RNF17: variants seen among roughly 807,000 people sequenced by gnomAD.
The protein encoded by RNF17 is spermatogenesis associated 23.
A neutral mutation model predicts 200.5 loss-of-function variants in RNF17; 31 were observed. The observed-to-expected ratio is 0.15, with a 90% CI of 0.12 to 0.21. The LOEUF is 0.21. RNF17 is among the 10% of genes least tolerant of loss of function. The pLI is 1.00. For missense variants in RNF17, 1,628 were observed against 1,905.1 expected (o/e 0.85, Z 2.71); for synonymous variants, 606 against 637.8 (o/e 0.95, Z 0.75).
intron 34 of RNF17, among the ~76,000 whole-genome samples, chr13:24,877,781 AT>A (rs1408483289): frequency 3.3e-5 from 5 of 152,226 alleles, no homozygotes; most frequent in Admixed American, 3.3e-4. Context: ...TGTACTACTT[AT>A]TTGATGTAGT....
chr13:24,860,750 A>C (rs891567176), intron 26 of RNF17, among the ~76,000 whole-genome samples: 3 of 152,218 alleles, frequency 2.0e-5, no homozygotes, highest in Non-Finnish European at 4.4e-5. Context: ...TTCAAAAAAA[A>C]GTCTGATGGG....
chr13:24,860,262 A>G (rs1892959953), intron 26 of RNF17, among the ~76,000 whole-genome samples: 1 of 152,084 alleles, frequency 6.6e-6, no homozygotes, highest in Non-Finnish European at 1.5e-5. Flanking sequence ...TTACATTTGT[A>G]GAATCAAAAT....
In RNF17 at chr13:24,799,361, A is replaced by G. The variant is rs1884978881; in HGVS notation, c.1400-34A>G. ...CTTATGAAGTGGCTTTTATTGATAAATGTTTATAACGATTTGTTTCCCTCA... is the reference window on the plus strand; with the variant it reads ...CTTATGAAGTGGCTTTTATTGATAAGTGTTTATAACGATTTGTTTCCCTCA... On this transcript the variant is annotated intron_variant, in intron 11 of 35. Transcript: ENST00000255324. 3 of 1,519,666 alleles carry G rather than the reference A, an allele frequency of 2.0e-6. No homozygotes were observed. The South Asian group carries it at 3.5e-5, about 18-fold the overall frequency. 94.1% of individuals were successfully genotyped at this position (1,519,666 alleles called of 1,614,324 possible). A position where few individuals can be genotyped will look rare whatever the true frequency, so the allele number is the denominator to read the frequency against.
chr13:24,887,414 G>C, the RNF17 span, among the ~76,000 whole-genome samples: 6 of 152,056 alleles, frequency 3.9e-5, no homozygotes, highest in African/African-American at 1.2e-4. Context: ...CCCATCACTC[G>C]CATTACCACC....
intron 15 of RNF17, among the ~76,000 whole-genome samples, chr13:24,810,621 G>A (rs1886474501): frequency 6.8e-6 from 1 of 146,742 alleles, no homozygotes; most frequent in Non-Finnish European, 1.5e-5. Flanking sequence ...TCTTTTAATT[G>A]GAGCACTTAG....
intron 11 of RNF17, among the ~76,000 whole-genome samples, chr13:24,797,709 T>TGTGTGTCTGTGG (rs1884759968): frequency 6.8e-6 from 1 of 146,048 alleles, no homozygotes. Context: ...ACAAAGAGTG[T>TGTGTGTCTGTGG]GTGTGTGTGT....
chr13:24,760,343 C>T (rs1015514128), upstream of RNF17, among the ~76,000 whole-genome samples: 1 of 152,098 alleles, frequency 6.6e-6, no homozygotes, highest in Non-Finnish European at 1.5e-5. Flanking sequence ...ACAAGTAATA[C>T]AAGTTTTCCA....
At chr13:24,809,645 T>C (rs1226249945) in intron 15 of RNF17, among the ~76,000 whole-genome samples, 2 of 152,128 alleles carry the variant, frequency 1.3e-5, no homozygotes, top group Non-Finnish European at 2.9e-5. Flanking sequence ...TTTCCTTCAG[T>C]TCTGCTCTGA....
At chr13:24,843,288 G>A (rs1055812283) in intron 19 of RNF17, among the ~76,000 whole-genome samples, 2 of 152,188 alleles carry the variant, frequency 1.3e-5, no homozygotes. Flanking sequence ...GGAGGCTCAG[G>A]CAGGCGGATC....
intron 22 of RNF17, among the ~76,000 whole-genome samples, chr13:24,846,237 G>A (rs1260231703): frequency 6.6e-6 from 1 of 152,184 alleles, no homozygotes; most frequent in Non-Finnish European, 1.5e-5. Flanking sequence ...CAGAGTTGTA[G>A]TCTACAGTTT....
downstream of RNF17, chr13:24,884,458 T>C (rs751997476): frequency 2.5e-6 from 4 of 1,614,056 alleles, no homozygotes; most frequent in South Asian, 4.4e-5. Flanking sequence ...TATAAACCTT[T>C]TCCACCTAAA....
intron 31 of RNF17, among the ~76,000 whole-genome samples, chr13:24,869,871 A>G (rs1462133045): frequency 6.7e-6 from 1 of 150,096 alleles, no homozygotes; most frequent in Non-Finnish European, 1.5e-5. Flanking sequence ...AGGCTCAACC[A>G]TTCCTCCTGC....
intron 15 of RNF17, among the ~76,000 whole-genome samples, chr13:24,824,846 A>G (rs1888452092): frequency 6.6e-6 from 1 of 152,224 alleles, no homozygotes; most frequent in African/African-American, 2.4e-5. Flanking sequence ...CAATCGATAA[A>G]TGAATCTTAG....
chr13:24,787,294 T>C (rs754366960), intron 6 of RNF17, among the ~76,000 whole-genome samples: 4 of 152,236 alleles, frequency 2.6e-5, no homozygotes, highest in Non-Finnish European at 4.4e-5. Flanking sequence ...GACAGTTGTT[T>C]TAAGCCTATT....
Position 24,818,905 on chromosome 13 carries a change from A to G in RNF17, c.2092-6714A>G, listed in dbSNP as rs148733926. Among the ~76,000 whole-genome samples, 417 of 152,232 alleles carry G rather than the reference A, an allele frequency of 2.7e-3. 5 individuals are homozygous for G. The highest frequency in any genetic ancestry group is 9.7e-3 in the African/African-American group (402 of 41,558). Reference sequence around the variant, plus strand: ...ATTTAAAGTAATTACTGATAAGGAAAGACTTCTGCCATTTGCTGTTTTCTG... The same window carrying G: ...ATTTAAAGTAATTACTGATAAGGAAGGACTTCTGCCATTTGCTGTTTTCTG... On this transcript the variant is annotated intron_variant, in intron 15 of 35. Transcript: ENST00000255324.
At chr13:24,799,905 T>C (rs1885037662) in intron 12 of RNF17, among the ~76,000 whole-genome samples, 1 of 152,156 alleles carries the variant, frequency 6.6e-6, no homozygotes, top group African/African-American at 2.4e-5. Flanking sequence ...AAATTTTTAA[T>C]CAGACTTCTG....
rs1452180354 is a variant in RNF17 at position 24,870,701 on chromosome 13, A to G, written c.4409A>G (p.Lys1470Arg). 6.2e-6 allele frequency: 10 copies of G among 1,614,186 alleles called. No individual in the cohort carries two copies. Among genetic ancestry groups the G allele is most frequent in the Non-Finnish European group, 8.5e-6 (10 of 1,180,014 alleles). Residue 1470 changes from lysine (K) to arginine (R), a missense_variant, in exon 32 of 36, where the codon AAG becomes AGG. Physicochemically the swap from Lys to Arg is conservative, Grantham distance 26. Transcript: ENST00000255324. ...LDEALQRVNK[K>R]VEALPPLTDF... ...GAAGCACTGCAGAGGGTTAATAAGA[A>G]GGTAGAGGCGCTTCCTCCTCTGACG...
Position 24,869,684 on chromosome 13 carries a change from G to T in RNF17, c.4279-887G>T, listed in dbSNP as rs1045991770. 1.4e-4 allele frequency among the ~76,000 whole-genome samples: 21 copies of T among 152,164 alleles called. 1 individual carries two copies. Among genetic ancestry groups the T allele is most frequent in the Admixed American group, 1.4e-3 (21 of 15,276 alleles). ...GGCTTCCTGGCGCATGAAATCCCTG[G>T]CAGAGTTCTACCAAGACAGAAGCTA... On this transcript the variant is annotated intron_variant, in intron 31 of 35. Transcript: ENST00000255324.
intron 6 of RNF17, among the ~76,000 whole-genome samples, chr13:24,786,339 A>G (rs1307479375): frequency 2.0e-5 from 3 of 152,178 alleles, no homozygotes; most frequent in African/African-American, 4.8e-5. Flanking sequence ...CGATGTCACA[A>G]ATTACATTCC....
Sources: gnomAD v4.1 joint callset for allele counts (sites outside exome capture counted in the v4.1 genomes callset) on GRCh38, gnomAD v4.1.1 for gene constraint, MANE v1.5 for transcripts, NCBI Gene and HGNC (gene_info 2026-07-23, HGNC 2026-07-21) for gene names.